COPS5: variants seen among roughly 807,000 people sequenced by gnomAD.
COPS5 encodes COP9 signalosome subunit 5.
In COPS5, 8 loss-of-function variants were observed where a neutral mutation model predicts 44.4. The observed-to-expected ratio is 0.18, with a 90% confidence interval of 0.11 to 0.32. The LOEUF (loss-of-function observed/expected upper bound fraction) is 0.32. Ranked by LOEUF, COPS5 falls within the 10% of genes least tolerant of loss-of-function variation. The pLI, the probability that COPS5 is intolerant of heterozygous loss-of-function variation, is 1.00. For synonymous variants in COPS5, 122 were observed against 142.8 expected (o/e 0.85, Z 1.04); for missense variants, 159 against 406.4 (o/e 0.39, Z 5.23).
At chr8:67,053,116 A>G (rs958910713) in intron 5 of COPS5, among the ~76,000 whole-genome samples, 1 of 151,872 alleles carries the variant, frequency 6.6e-6, no homozygotes, top group Non-Finnish European at 1.5e-5. Flanking sequence ...CTGAGCCGCA[A>G]TCTCACTCTG....
intron 6 of COPS5, among the ~76,000 whole-genome samples, chr8:67,050,947 A>AT (rs1298794001): frequency 1.3e-5 from 2 of 151,948 alleles, no homozygotes; most frequent in East Asian, 3.9e-4. Context: ...ACAAAAATCA[A>AT]TATGTGTATT....
At chr8:67,055,196 G>A (rs1804485171) in intron 5 of COPS5, among the ~76,000 whole-genome samples, 1 of 152,236 alleles carries the variant, frequency 6.6e-6, no homozygotes, top group African/African-American at 2.4e-5. Context: ...ACCAGCAGAA[G>A]TTCAGTGATA....
intron 6 of COPS5, among the ~76,000 whole-genome samples, chr8:67,048,449 G>T (rs556560346): frequency 1.2e-3 from 176 of 151,912 alleles, no homozygotes; most frequent in African/African-American, 4.0e-3. Context: ...GGGCGCGGTG[G>T]CTCACGCCTG....
chr8:67,059,499 GA>G (rs1804555815), intron 1 of COPS5, 54 bp from the exon 2 acceptor site: 1 of 1,362,800 alleles, frequency 7.3e-7, no homozygotes, highest in African/African-American at 1.5e-5. Flanking sequence ...TAAAATTTCA[GA>G]AAAGTTTTTA....
chr8:67,051,429 C>T, intron 5 of COPS5, 88 bp from the exon 6 acceptor site: 1 of 675,528 alleles, frequency 1.5e-6, no homozygotes, highest in South Asian at 1.8e-5. Context: ...AAGTGAGTTA[C>T]ACTTTATTCT....
chr8:67,047,612 A>G (rs867630041), intron 6 of COPS5: 23 of 453,668 alleles, frequency 5.1e-5, no homozygotes, highest in South Asian at 2.9e-4. Flanking sequence ...AGTTGAACAT[A>G]TATCTACATA....
chr8:67,061,641 T>A (rs1406309501), intron 1 of COPS5: 1 of 574,298 alleles, frequency 1.7e-6, no homozygotes, highest in Non-Finnish European at 3.1e-6. Flanking sequence ...TGTTCTCCCC[T>A]TACATCACCC....
At chr8:67,048,503 T>C (rs976558378) in intron 6 of COPS5, among the ~76,000 whole-genome samples, 13 of 150,348 alleles carry the variant, frequency 8.6e-5, no homozygotes, top group African/African-American at 3.2e-4. Flanking sequence ...GATCACGAGG[T>C]CAGGAGTTCA....
At chr8:67,050,389 A>C (rs1008118556) in intron 6 of COPS5, among the ~76,000 whole-genome samples, 2 of 152,066 alleles carry the variant, frequency 1.3e-5, no homozygotes, top group African/African-American at 2.4e-5. Flanking sequence ...TTAGTCCTTG[A>C]GCTCCTGAAG....
intron 2 of COPS5, 25 bp from the exon 3 acceptor site, chr8:67,058,236 T>C: frequency 6.2e-7 from 1 of 1,609,910 alleles, no homozygotes; most frequent in South Asian, 1.1e-5. Context: ...GGCAAAAAAG[T>C]TTAAGATTAC....
At chr8:67,056,768 C>T (rs539205943) in intron 4 of COPS5, among the ~76,000 whole-genome samples, 164 bp from the exon 5 acceptor site, 48 of 136,710 alleles carry the variant, frequency 3.5e-4, no homozygotes, top group East Asian at 1.3e-3. Flanking sequence ...TATTAACTTT[C>T]GGAGGCAAAT....
rs764454393 is a variant in COPS5, at chr8:67,062,017, T to A, written c.-21A>T. 1.2e-6 allele frequency: 2 copies of A among 1,614,160 alleles called. No individual in the cohort carries two copies. Among genetic ancestry groups the A allele is most frequent in the Non-Finnish European group, 1.7e-6 (2 of 1,180,040 alleles). Reference sequence around the variant, plus strand: ...GCCATCGCCGAGGAAGCGGAGAAGTTGTCGTCTCTACAACCAAGACGCAAC... The same window carrying A: ...GCCATCGCCGAGGAAGCGGAGAAGTAGTCGTCTCTACAACCAAGACGCAAC... On this transcript the variant is annotated 5_prime_UTR_variant, in exon 1 of 8. Coordinates refer to ENST00000357849, the MANE Select transcript of COPS5 (RefSeq NM_006837.3).
intron 1 of COPS5, chr8:67,061,366 G>T: frequency 2.2e-6 from 1 of 450,660 alleles, no homozygotes; most frequent in South Asian, 1.6e-5. Flanking sequence ...AAGGCGGGAG[G>T]ATCGCTTGAA....
chr8:67,048,005 G>T, intron 6 of COPS5: 1 of 662,082 alleles, frequency 1.5e-6, no homozygotes, highest in African/African-American at 1.8e-5. Flanking sequence ...ACTGGGCGCC[G>T]TGGCTCATGC....
At chr8:67,055,086 G>C (rs1275971031) in intron 5 of COPS5, among the ~76,000 whole-genome samples, 2 of 152,194 alleles carry the variant, frequency 1.3e-5, no homozygotes, top group Non-Finnish European at 1.5e-5. Context: ...GGAAATAAGA[G>C]CGTTCTAGGC....
chr8:67,050,336 T>C (rs1052093001), intron 6 of COPS5, among the ~76,000 whole-genome samples: 4 of 152,162 alleles, frequency 2.6e-5, no homozygotes, highest in Non-Finnish European at 5.9e-5. Context: ...TGCTTTAAAG[T>C]AATGCTCTTC....
At chr8:67,047,965 G>C in intron 6 of COPS5, 1 of 697,108 alleles carries the variant, frequency 1.4e-6, no homozygotes, top group South Asian at 1.5e-5. Context: ...TGCTACTTCT[G>C]ACTACTAAGG....
intron 6 of COPS5, among the ~76,000 whole-genome samples, chr8:67,050,322 C>G (rs1804381509): frequency 6.6e-6 from 1 of 152,044 alleles, no homozygotes; most frequent in South Asian, 2.1e-4. Context: ...CTCCTAGTAT[C>G]TACTGCTTTA....
chr8:67,051,383 ATTC>A, intron 5 of COPS5, 42 bp from the exon 6 acceptor site: 6 of 1,098,708 alleles, frequency 5.5e-6, no homozygotes, highest in Non-Finnish European at 8.1e-6. Context: ...AAAAAAAAAA[ATTC>A]AACTACGTCA....
Sources: allele counts gnomAD v4.1 joint callset (sites outside exome capture counted in the v4.1 genomes callset), GRCh38; gene constraint gnomAD v4.1.1; transcripts MANE v1.5; gene names NCBI Gene and HGNC (gene_info 2026-07-23, HGNC 2026-07-21).